TRPC5: variants seen among roughly 807,000 people sequenced by gnomAD.
The protein encoded by TRPC5 is short transient receptor potential channel 5.
Under a neutral mutation model 56.5 loss-of-function variants are expected in TRPC5, and 9 were observed. The ratio of observed to expected loss-of-function variants is 0.16; its 90% CI spans 0.10 to 0.28. The LOEUF (loss-of-function observed/expected upper bound fraction) is 0.28, where lower values mean the gene tolerates loss of function less well. TRPC5 is among the 10% of genes least tolerant of loss of function. TRPC5 has a pLI of 1.00. For synonymous variants in TRPC5, 282 were observed against 278.5 expected (o/e 1.01, Z -0.13); for missense variants, 469 against 748.9 (o/e 0.63, Z 4.36).
At chrX:111,787,925 C>G (rs1397284053) in intron 7 of TRPC5, among the ~76,000 whole-genome samples, 1 of 111,384 alleles carries the variant, frequency 9.0e-6, no homozygotes. Flanking sequence ...TAATTAATAG[C>G]CTACCAATCA....
chrX:112,070,800 T>C (rs1400295309), intron 1 of TRPC5, among the ~76,000 whole-genome samples: 1 of 109,382 alleles, frequency 9.1e-6, no homozygotes, highest in African/African-American at 3.4e-5. Flanking sequence ...CTGTGAAAAT[T>C]TTCAAAAGTA....
intron 1 of TRPC5, among the ~76,000 whole-genome samples, chrX:112,008,074 G>T (rs747607318): frequency 4.5e-5 from 5 of 111,790 alleles, no homozygotes; most frequent in African/African-American, 1.6e-4. Flanking sequence ...TATATCCAAG[G>T]TGAAACCCAC....
At chrX:111,846,347 G>T (rs1159328681) in intron 6 of TRPC5, among the ~76,000 whole-genome samples, 1 of 111,671 alleles carries the variant, frequency 9.0e-6, no homozygotes, top group Non-Finnish European at 1.9e-5. Flanking sequence ...CTAACAGCCT[G>T]ACATGTACTT....
At chrX:112,012,925 A>G (rs958306072) in intron 1 of TRPC5, among the ~76,000 whole-genome samples, 1 of 111,402 alleles carries the variant, frequency 9.0e-6, no homozygotes, top group African/African-American at 3.3e-5. Flanking sequence ...ATGAGGAAAT[A>G]CTCCTGTGTA....
chrX:111,791,143 G>A (rs1458348667), intron 7 of TRPC5, among the ~76,000 whole-genome samples: 2 of 106,516 alleles, frequency 1.9e-5, no homozygotes, highest in Non-Finnish European at 3.8e-5. Flanking sequence ...GACTGGTTGT[G>A]ACTACACTGC....
At chrX:111,986,442 T>G (rs1241754265) in intron 1 of TRPC5, among the ~76,000 whole-genome samples, 7 of 110,479 alleles carry the variant, frequency 6.3e-5, no homozygotes, top group African/African-American at 2.0e-4. Flanking sequence ...GGTTTGTACC[T>G]CACTTTTAGG....
Position 112,081,325 on chromosome X carries a change from G to A in TRPC5, c.-22+554C>T, listed in dbSNP as rs764850121. ...GATGCCCCTCCATTTGCATTTCTTG[G>A]TTCCTTTAAGGAAGACAGGCAAACA... On this transcript the variant is annotated intron_variant, in intron 1 of 10. Coordinates refer to ENST00000262839, the MANE Select transcript of TRPC5 (RefSeq NM_012471.3). Among the ~76,000 whole-genome samples, 4 of 111,754 alleles carry A rather than the reference G, an allele frequency of 3.6e-5. No individual in the cohort carries two copies. In the South Asian group the frequency reaches 1.5e-3, roughly 43 times the overall value.
chrX:111,831,518 G>A (rs757870298), intron 7 of TRPC5, among the ~76,000 whole-genome samples: 239 of 111,628 alleles, frequency 2.1e-3, no homozygotes, highest in Non-Finnish European at 3.7e-3. Context: ...GAAGAATGTC[G>A]TCATTTGCAT....
intron 7 of TRPC5, among the ~76,000 whole-genome samples, chrX:111,783,178 T>G (rs1005958179): frequency 1.8e-5 from 2 of 112,342 alleles, no homozygotes; most frequent in Non-Finnish European, 3.8e-5. Flanking sequence ...ATTATATGGA[T>G]GCACGATGGT....
intron 2 of TRPC5, among the ~76,000 whole-genome samples, chrX:111,926,225 G>T (rs1211742109): frequency 1.8e-5 from 2 of 110,889 alleles, no homozygotes; most frequent in Non-Finnish European, 3.8e-5. Flanking sequence ...TCAGTACAGT[G>T]CCTCACTAGG....
chrX:112,003,051 C>T (rs1928738150), intron 1 of TRPC5, among the ~76,000 whole-genome samples: 1 of 111,335 alleles, frequency 9.0e-6, no homozygotes, highest in Non-Finnish European at 1.9e-5. Context: ...AGACTAGGGG[C>T]TGCTTATGTG....
chrX:111,869,055 CA>C (rs1923636255), intron 3 of TRPC5, among the ~76,000 whole-genome samples: 1 of 111,593 alleles, frequency 9.0e-6, no homozygotes, highest in Non-Finnish European at 1.9e-5. Flanking sequence ...AGTGGCAATG[CA>C]AAAGTTCCCG....
At chrX:111,888,803 A>T (rs1433017047) in intron 3 of TRPC5, among the ~76,000 whole-genome samples, 16 of 109,477 alleles carry the variant, frequency 1.5e-4, no homozygotes, top group African/African-American at 5.3e-4. Flanking sequence ...TCAAGGTGAG[A>T]TGTAGATGAT....
intron 1 of TRPC5, among the ~76,000 whole-genome samples, chrX:112,017,907 A>G (rs1442723050): frequency 8.9e-6 from 1 of 112,290 alleles, no homozygotes; most frequent in Non-Finnish European, 1.9e-5. Flanking sequence ...TGTGGCTAGT[A>G]TGAAGTGAGA....
rs1923298536 is a variant in TRPC5, at chrX:111,858,321, AAACCCGAACTGTC to A, written c.901-4228_901-4216del. On this transcript the variant is annotated intron_variant, in intron 3 of 10. Coordinates refer to ENST00000262839, the MANE Select transcript of TRPC5 (RefSeq NM_012471.3). ...ACCCACTAGATGCCTCATTGCACAAAAACCCGAACTGTCCAGAGCCTGGAGCAGTAGGTTTTTA... is the reference window on the plus strand; with the variant it reads ...ACCCACTAGATGCCTCATTGCACAAACAGAGCCTGGAGCAGTAGGTTTTTA... 2.7e-5 allele frequency among the ~76,000 whole-genome samples: 3 copies of A among 111,433 alleles called. No individual in the cohort carries two copies. The Admixed American group carries it at 2.9e-4, about 11-fold the overall frequency.
intron 1 of TRPC5, among the ~76,000 whole-genome samples, chrX:112,031,807 AATGTTCATCC>A (rs1350288049): frequency 9.2e-6 from 1 of 109,202 alleles, no homozygotes; most frequent in Non-Finnish European, 1.9e-5. Flanking sequence ...TAATGTTTTC[AATGTTCATCC>A]ATGTTGTAGC....
At chrX:112,029,111 A>G (rs1433418057) in intron 1 of TRPC5, among the ~76,000 whole-genome samples, 1 of 111,003 alleles carries the variant, frequency 9.0e-6, no homozygotes, top group Non-Finnish European at 1.9e-5. Context: ...TTTTGTGCCA[A>G]TTAACCATCC....
At chrX:112,042,017 C>A (rs1929904608) in intron 1 of TRPC5, among the ~76,000 whole-genome samples, 1 of 111,702 alleles carries the variant, frequency 9.0e-6, no homozygotes, top group South Asian at 3.7e-4. Context: ...TACTCAAATG[C>A]AAATCAAATA....
At chrX:112,023,234 G>GTTTTTTTTTT (rs749260030) in intron 1 of TRPC5, among the ~76,000 whole-genome samples, 7 of 45,961 alleles carry the variant, frequency 1.5e-4, no homozygotes, top group African/African-American at 5.6e-4. Context: ...GCGCCCAGCA[G>GTTTTTTTTTT]TTTTTTTTTT....
Sources: allele counts gnomAD v4.1 joint callset (sites outside exome capture counted in the v4.1 genomes callset), GRCh38; gene constraint gnomAD v4.1.1; transcripts MANE v1.5; gene names NCBI Gene and HGNC (gene_info 2026-07-23, HGNC 2026-07-21).